CASQ2: variants seen among roughly 807,000 people sequenced by gnomAD.
CASQ2 encodes calsequestrin-2.
CASQ2 carries 49 observed loss-of-function variants against 46.5 expected under a neutral mutation model. The observed-to-expected ratio is 1.05, with a 90% CI of 0.84 to 1.34. The LOEUF (loss-of-function observed/expected upper bound fraction) is 1.34. CASQ2 is among the 40% of genes most tolerant of loss of function. The pLI is 0.00. For missense variants in CASQ2, 486 were observed against 481.3 expected (o/e 1.01, Z -0.09); for synonymous variants, 174 against 168.5 (o/e 1.03, Z -0.25).
At chr1:115,739,370 C>G (rs1008272968) in intron 3 of CASQ2, among the ~76,000 whole-genome samples, 2 of 152,042 alleles carry the variant, frequency 1.3e-5, no homozygotes, top group Non-Finnish European at 2.9e-5. Context: ...CCACCTTGGC[C>G]TCCCAAAGTG....
At chr1:115,713,885 C>G (rs116640427) in intron 8 of CASQ2, among the ~76,000 whole-genome samples, 1 of 152,178 alleles carries the variant, frequency 6.6e-6, no homozygotes, top group African/African-American at 2.4e-5. Context: ...ATTCCTATAA[C>G]CCTGTGATCC....
intron 8 of CASQ2, 34 bp downstream of exon 8, chr1:115,717,806 A>G: frequency 1.3e-6 from 2 of 1,496,724 alleles, no homozygotes; most frequent in South Asian, 1.1e-5. Context: ...AGTTCTTGCT[A>G]GAGCTGTAAA....
Position 115,700,775 on chromosome 1 carries a change from CTGA to C in CASQ2, c.*463_*465del, listed in dbSNP as rs1345450228. ...ATCTTGGCTGGAGGAGGGATCCCAA[CTGA>C]TGTTCGAGGTATGGAGGGAGCTAAA... On this transcript the variant is annotated 3_prime_UTR_variant, in exon 11 of 11. Transcript: ENST00000261448. The C allele has an allele frequency of 2.3e-6, 1 of 444,194 alleles. No homozygotes were observed. The highest frequency in any genetic ancestry group is 3.3e-5 in the East Asian group (1 of 30,322). 27.5% of individuals were successfully genotyped at this position (444,194 alleles called of 1,614,324 possible).
intron 3 of CASQ2, among the ~76,000 whole-genome samples, chr1:115,739,129 T>TTTTTTTTTTTTTTTTTTTTTTTTTG (rs1648077354): frequency 7.1e-6 from 1 of 140,646 alleles, no homozygotes; most frequent in African/African-American, 2.5e-5. Flanking sequence ...TCTTTCTTTT[T>TTTTTTTTTTTTTTTTTTTTTTTTTG]GAGATGGAGT....
At chr1:115,723,778 A>G (rs1274028402) in intron 7 of CASQ2, among the ~76,000 whole-genome samples, 8 of 152,140 alleles carry the variant, frequency 5.3e-5, no homozygotes, top group African/African-American at 1.7e-4. Context: ...ACGTCAAGTG[A>G]TCTGCCCACC....
At chr1:115,720,126 T>C (rs1647316136) in intron 7 of CASQ2, among the ~76,000 whole-genome samples, 1 of 152,208 alleles carries the variant, frequency 6.6e-6, no homozygotes, top group Non-Finnish European at 1.5e-5. Flanking sequence ...CAGTTCTGTC[T>C]GGCCCCAAAG....
chr1:115,754,902 T>A (rs1250507229), intron 1 of CASQ2, among the ~76,000 whole-genome samples: 1 of 152,230 alleles, frequency 6.6e-6, no homozygotes, highest in East Asian at 1.9e-4. Context: ...AGAACCTGGG[T>A]GCACATCAGC....
At chr1:115,716,023 C>T (rs1163892783) in intron 8 of CASQ2, among the ~76,000 whole-genome samples, 5 of 152,204 alleles carry the variant, frequency 3.3e-5, no homozygotes, top group African/African-American at 7.2e-5. Context: ...CCTGATCTGT[C>T]TAGTGGAACC....
chr1:115,712,486 T>TG (rs759376624), intron 8 of CASQ2, among the ~76,000 whole-genome samples: 3 of 152,182 alleles, frequency 2.0e-5, no homozygotes, highest in Non-Finnish European at 4.4e-5. Flanking sequence ...CCATGTGAGC[T>TG]GGGGACATTA....
chr1:115,730,394 A>G lies in CASQ2; in HGVS notation c.606+2507T>C, dbSNP rs558584864. 2.0e-5 allele frequency among the ~76,000 whole-genome samples: 3 copies of G among 152,272 alleles called. No individual in the cohort carries two copies. The East Asian group carries it at 5.8e-4, about 29-fold the overall frequency. ...GTCTTTCCATCTTCTCTTTCCCACAATAAACTTTAAATTCTAAAGGGCAGG... is the reference window on the plus strand; with the variant it reads ...GTCTTTCCATCTTCTCTTTCCCACAGTAAACTTTAAATTCTAAAGGGCAGG... On this transcript the variant is annotated intron_variant, in intron 5 of 10. Coordinates refer to ENST00000261448, the MANE Select transcript of CASQ2 (RefSeq NM_001232.4).
rs1654159646 is a variant in CASQ2, at chr1:115,700,116, CA to C, written c.*1124del. 2.0e-5 allele frequency: 3 copies of C among 152,416 alleles called. No homozygotes were observed. Among genetic ancestry groups the C allele is most frequent in the Non-Finnish European group, 4.4e-5 (3 of 67,994 alleles). 9.4% of individuals were successfully genotyped at this position (152,416 alleles called of 1,614,324 possible). A position where few individuals can be genotyped will look rare whatever the true frequency, so the allele number is the denominator to read the frequency against. On this transcript the variant is annotated 3_prime_UTR_variant, in exon 11 of 11. Transcript: ENST00000261448. Reference sequence around the variant, plus strand: ...CAAAAAATTTGCACAGTGTCTTACACATGTGCTAAAAGATTGAGAAAATAAA... The same window carrying C: ...CAAAAAATTTGCACAGTGTCTTACACTGTGCTAAAAGATTGAGAAAATAAA...
chr1:115,702,320 TC>T (rs1349958429), intron 10 of CASQ2, among the ~76,000 whole-genome samples: 1 of 152,174 alleles, frequency 6.6e-6, no homozygotes, highest in Non-Finnish European at 1.5e-5. Flanking sequence ...ATTGTATCTG[TC>T]CCCACTTGAG....
chr1:115,726,961 G>GC, intron 6 of CASQ2, 31 bp downstream of exon 6: 2 of 1,358,420 alleles, frequency 1.5e-6, no homozygotes, highest in Non-Finnish European at 2.1e-6. Context: ...CAGACCCCAG[G>GC]CCCCCAGCCC....
At chr1:115,727,411 C>T (rs936882486) in intron 5 of CASQ2, among the ~76,000 whole-genome samples, 2 of 152,180 alleles carry the variant, frequency 1.3e-5, no homozygotes, top group African/African-American at 4.8e-5. Context: ...TTTAATTCTA[C>T]AATCACCATC....
intron 7 of CASQ2, among the ~76,000 whole-genome samples, chr1:115,722,155 C>T (rs1557791103): frequency 6.6e-6 from 1 of 152,126 alleles, no homozygotes; most frequent in African/African-American, 2.4e-5. Flanking sequence ...GGTTAGGGTT[C>T]CTGGGTAAGA....
At position 115,715,277 on chromosome 1, in the gene CASQ2, G is replaced by C. The variant is rs565161320; in HGVS notation, c.838+2563C>G. Reference sequence around the variant, plus strand: ...AAACCACACTAGCTTTTTCTTGAGAGGTGGAGACAAGGGCTAGATCATGTT... The same window carrying C: ...AAACCACACTAGCTTTTTCTTGAGACGTGGAGACAAGGGCTAGATCATGTT... On this transcript the variant is annotated intron_variant, in intron 8 of 10. Coordinates refer to ENST00000261448, the MANE Select transcript of CASQ2 (RefSeq NM_001232.4). Among the ~76,000 whole-genome samples the C allele has an allele frequency of 3.9e-5, 6 of 152,318 alleles. 1 individual carries two copies. Among genetic ancestry groups the C allele is most frequent in the Admixed American group, 3.3e-4 (5 of 15,306 alleles).
At chr1:115,703,363 C>T (rs1453315020) in intron 9 of CASQ2, among the ~76,000 whole-genome samples, 1 of 152,092 alleles carries the variant, frequency 6.6e-6, no homozygotes, top group Admixed American at 6.5e-5. Flanking sequence ...CATGAGATAG[C>T]TGGGAAAGCC....
chr1:115,761,412 A>G (rs1235666667), intron 1 of CASQ2, among the ~76,000 whole-genome samples: 3 of 96 alleles, frequency 0.031, no homozygotes, highest in Non-Finnish European at 0.052. Flanking sequence ...AAAGAAGAAG[A>G]AGAAGAAGAA....
At chr1:115,709,543 A>T (rs1005844128) in intron 8 of CASQ2, among the ~76,000 whole-genome samples, 2 of 152,204 alleles carry the variant, frequency 1.3e-5, no homozygotes, top group Admixed American at 6.5e-5. Context: ...ATAGTTATCT[A>T]GACAAAGCAA....
Sources: allele counts gnomAD v4.1 joint callset (sites outside exome capture counted in the v4.1 genomes callset), GRCh38; gene constraint gnomAD v4.1.1; transcripts MANE v1.5; gene names NCBI Gene and HGNC (gene_info 2026-07-23, HGNC 2026-07-21).